The following ARF4 variants were observed in gnomAD, a reference collection of about 807,000 sequenced individuals.
ARF4 encodes the protein ARF GTPase 4.
In ARF4, 5 loss-of-function variants were observed where a neutral mutation model predicts 24.3. That is an observed-to-expected ratio of 0.21 (90% confidence interval 0.11 to 0.43). The LOEUF (loss-of-function observed/expected upper bound fraction) is 0.43, where lower values mean the gene tolerates loss of function less well. Ranked by LOEUF, ARF4 falls within the 20% of genes least tolerant of loss-of-function variation. The pLI, the probability that ARF4 is intolerant of heterozygous loss-of-function variation, is 1.00. For synonymous variants in ARF4, 62 were observed against 73.5 expected, an observed-to-expected ratio of 0.84 and a Z score of 0.80; for missense variants, 107 against 213.0, an observed-to-expected ratio of 0.50 and a Z score of 3.10.
At chr3:57,579,170 C>T (rs1416055669) in intron 3 of ARF4, among the ~76,000 whole-genome samples, 2 of 135,206 alleles carry the variant, frequency 1.5e-5, no homozygotes, top group African/African-American at 5.6e-5. Flanking sequence ...CCTGTAATCC[C>T]AGCTACTTGG....
intron 1 of ARF4, among the ~76,000 whole-genome samples, chr3:57,592,040 G>A (rs1329022117): frequency 1.3e-5 from 2 of 152,012 alleles, no homozygotes; most frequent in Non-Finnish European, 2.9e-5. Flanking sequence ...CTTTAACAGG[G>A]TAAACTTTAT....
intron 1 of ARF4, among the ~76,000 whole-genome samples, chr3:57,594,986 A>G (rs776271831): frequency 3.3e-5 from 5 of 152,208 alleles, no homozygotes; most frequent in Non-Finnish European, 7.4e-5. Context: ...TAGTCAAGGA[A>G]AACTGATTAT....
chr3:57,596,025 C>T (rs975734923), intron 1 of ARF4, among the ~76,000 whole-genome samples: 2 of 151,948 alleles, frequency 1.3e-5, no homozygotes, highest in African/African-American at 4.8e-5. Flanking sequence ...CAAGTTTCAA[C>T]GTTCAAAGTT....
In ARF4 at chr3:57,571,982, T is replaced by G. The variant is rs1165875890; in HGVS notation, c.*230A>C. Reference sequence around the variant, plus strand: ...TCCAGGCATTTACGCTTATGGGAAGTAAAATTAAAAGAGGATACTTTTTTC... The same window carrying G: ...TCCAGGCATTTACGCTTATGGGAAGGAAAATTAAAAGAGGATACTTTTTTC... On this transcript the variant is annotated 3_prime_UTR_variant, in exon 6 of 6. Coordinates refer to ENST00000303436, the MANE Select transcript of ARF4 (RefSeq NM_001660.4). 6.5e-6 allele frequency: 3 copies of G among 459,966 alleles called. No individual in the cohort carries two copies. Among genetic ancestry groups the G allele is most frequent in the Non-Finnish European group, 1.2e-5 (3 of 255,574 alleles). 28.5% of individuals were successfully genotyped at this position (459,966 alleles called of 1,614,324 possible). A position where few individuals can be genotyped will look rare whatever the true frequency, so the allele number is the denominator to read the frequency against.
At chr3:57,580,968 A>G (rs762555105) in intron 3 of ARF4, among the ~76,000 whole-genome samples, 2 of 152,138 alleles carry the variant, frequency 1.3e-5, no homozygotes, top group African/African-American at 2.4e-5. Flanking sequence ...ATTGAGAAGG[A>G]GAATTATTTT....
intron 1 of ARF4, among the ~76,000 whole-genome samples, chr3:57,594,678 G>A (rs1255151052): frequency 1.3e-5 from 2 of 152,120 alleles, no homozygotes; most frequent in African/African-American, 4.8e-5. Context: ...ACTTTAAAAT[G>A]GTAAAGTCTG....
At chr3:57,584,722 T>A (rs896996005) in intron 1 of ARF4, among the ~76,000 whole-genome samples, 1 of 152,164 alleles carries the variant, frequency 6.6e-6, no homozygotes, top group African/African-American at 2.4e-5. Flanking sequence ...TAGGCTCTAA[T>A]CTCTAGCTTT....
At chr3:57,575,805 C>G (rs767394773) in intron 4 of ARF4, 132 bp from the exon 5 acceptor site, 8 of 992,626 alleles carry the variant, frequency 8.1e-6, no homozygotes, top group Non-Finnish European at 9.8e-6. Context: ...ACAAAGTTCA[C>G]TCTTACAACT....
At chr3:57,583,448 A>G (rs1174981618) in intron 3 of ARF4, among the ~76,000 whole-genome samples, 1 of 152,204 alleles carries the variant, frequency 6.6e-6, no homozygotes, top group Non-Finnish European at 1.5e-5. Context: ...TATACATACT[A>G]TGTGGCAATA....
intron 1 of ARF4, among the ~76,000 whole-genome samples, chr3:57,588,587 C>T (rs1385965905): frequency 6.7e-6 from 1 of 148,592 alleles, no homozygotes; most frequent in Non-Finnish European, 1.5e-5. Flanking sequence ...GGCACAGTGG[C>T]TCACACCTGT....
intron 3 of ARF4, among the ~76,000 whole-genome samples, chr3:57,582,764 TAAAAA>T (rs1287300576): frequency 7.6e-6 from 1 of 131,316 alleles, no homozygotes; most frequent in Non-Finnish European, 1.7e-5. Flanking sequence ...TATTAAGTAA[TAAAAA>T]AAAACTGACA....
intron 1 of ARF4, among the ~76,000 whole-genome samples, chr3:57,589,804 T>C (rs996127629): frequency 1.3e-5 from 2 of 150,244 alleles, no homozygotes; most frequent in African/African-American, 4.9e-5. Context: ...TTTAAAAAGT[T>C]AGATCCAGCC....
At chr3:57,595,571 C>T (rs1317008668) in intron 1 of ARF4, among the ~76,000 whole-genome samples, 1 of 152,148 alleles carries the variant, frequency 6.6e-6, no homozygotes, top group Non-Finnish European at 1.5e-5. Context: ...AAACATGAGC[C>T]AATGTATATA....
chr3:57,584,666 G>A (rs554385783), intron 1 of ARF4, among the ~76,000 whole-genome samples: 2 of 152,214 alleles, frequency 1.3e-5, no homozygotes, highest in African/African-American at 4.8e-5. Context: ...TCTAGACCAA[G>A]AGAGACAGCA....
intron 4 of ARF4, among the ~76,000 whole-genome samples, chr3:57,576,451 T>C (rs2069903281): frequency 2.0e-5 from 3 of 151,884 alleles, no homozygotes; most frequent in South Asian, 4.2e-4. Context: ...GCCATTGATA[T>C]GCACATTTAA....
chr3:57,591,470 T>C (rs1362682287), intron 1 of ARF4, among the ~76,000 whole-genome samples: 1 of 145,298 alleles, frequency 6.9e-6, no homozygotes, highest in East Asian at 2.0e-4. Context: ...TCTTTTCTTT[T>C]CTTTTTTTTT....
chr3:57,592,415 G>A (rs1674154757), intron 1 of ARF4, among the ~76,000 whole-genome samples: 1 of 152,110 alleles, frequency 6.6e-6, no homozygotes, highest in Admixed American at 6.6e-5. Flanking sequence ...TTGAACCCAG[G>A]AGGCGGAGGT....
At chr3:57,573,003 C>T (rs1311712025) in intron 5 of ARF4, among the ~76,000 whole-genome samples, 3 of 151,724 alleles carry the variant, frequency 2.0e-5, no homozygotes, top group African/African-American at 7.3e-5. Context: ...GAGATCGAGA[C>T]CTTCCTGGCT....
At chr3:57,585,068 TG>T (rs1291641466) in intron 1 of ARF4, among the ~76,000 whole-genome samples, 1 of 152,124 alleles carries the variant, frequency 6.6e-6, no homozygotes, top group Admixed American at 6.6e-5. Context: ...TTCACCATGT[TG>T]GCCAGGCTGG....
Sources: gnomAD v4.1 joint callset for allele counts (sites outside exome capture counted in the v4.1 genomes callset) on GRCh38, gnomAD v4.1.1 for gene constraint, MANE v1.5 for transcripts, NCBI Gene and HGNC (gene_info 2026-07-23, HGNC 2026-07-21) for gene names.